The following CNTN4 variants were observed in gnomAD, a reference collection of about 807,000 sequenced individuals.
CNTN4 encodes the protein contactin-4.
Under a neutral mutation model 122.5 loss-of-function variants are expected in CNTN4, and 77 were observed. The observed-to-expected ratio is 0.63, with a 90% CI of 0.52 to 0.76. CNTN4 has a LOEUF of 0.76. Ranked by LOEUF, CNTN4 falls within the 30% of genes least tolerant of loss-of-function variation. The probability of loss-of-function intolerance (pLI) is 0.00; values close to 1 mark genes in which losing one functional copy is unlikely to be tolerated. For missense variants in CNTN4, 1,256 were observed against 1,259.1 expected (o/e 1.00, Z 0.04); for synonymous variants, 512 against 447.0 (o/e 1.15, Z -1.83).
intron 6 of CNTN4, among the ~76,000 whole-genome samples, chr3:2,760,624 TA>T (rs2090544763): frequency 6.6e-6 from 1 of 152,218 alleles, no homozygotes; most frequent in Non-Finnish European, 1.5e-5. Context: ...AGGCAGCTGT[TA>T]ATAGTACCTT....
intron 2 of CNTN4, among the ~76,000 whole-genome samples, chr3:2,122,649 A>G (rs1226293514): frequency 6.6e-6 from 1 of 152,216 alleles, no homozygotes; most frequent in Non-Finnish European, 1.5e-5. Flanking sequence ...AAAATACTGT[A>G]TTGTACATTT....
chr3:2,206,460 T>C (rs1378022111), intron 2 of CNTN4, among the ~76,000 whole-genome samples: 1 of 152,108 alleles, frequency 6.6e-6, no homozygotes, highest in Non-Finnish European at 1.5e-5. Context: ...AAATAATGAA[T>C]GTGAATACTC....
At chr3:2,643,299 G>C (rs140425044) in intron 4 of CNTN4, among the ~76,000 whole-genome samples, 1 of 152,052 alleles carries the variant, frequency 6.6e-6, no homozygotes, top group Non-Finnish European at 1.5e-5. Context: ...TCAGCCTCCA[G>C]ACTGGCTGCA....
At chr3:2,651,641 A>T (rs2083363386) in intron 4 of CNTN4, among the ~76,000 whole-genome samples, 1 of 152,096 alleles carries the variant, frequency 6.6e-6, no homozygotes, top group Non-Finnish European at 1.5e-5. Context: ...GCTTGAGCCC[A>T]GGAGTTTGAA....
chr3:2,803,167 T>C (rs944854235), intron 6 of CNTN4, among the ~76,000 whole-genome samples: 7 of 152,330 alleles, frequency 4.6e-5, no homozygotes, highest in African/African-American at 1.7e-4. Context: ...TAAATGTGAA[T>C]GGCCCATAAA....
chr3:2,428,263 C>T (rs2047922086), intron 3 of CNTN4, among the ~76,000 whole-genome samples: 1 of 152,054 alleles, frequency 6.6e-6, no homozygotes, highest in Admixed American at 6.6e-5. Flanking sequence ...GTAAGGCAGG[C>T]CTGGTGGTGA....
intron 4 of CNTN4, among the ~76,000 whole-genome samples, chr3:2,677,419 G>GAGAGAGATCTATGTATCTATACATAGAT (rs2084922986): frequency 6.7e-6 from 1 of 149,846 alleles, no homozygotes; most frequent in Non-Finnish European, 1.5e-5. Context: ...CATAGATATA[G>GAGAGAGATCTATGTATCTATACATAGAT]AGAGAGATCT....
At chr3:2,281,357 C>T (rs1482498696) in intron 2 of CNTN4, among the ~76,000 whole-genome samples, 1 of 152,058 alleles carries the variant, frequency 6.6e-6, no homozygotes, top group African/African-American at 2.4e-5. Flanking sequence ...CAGGGACTGT[C>T]TAGTAACTCC....
At chr3:2,706,275 T>C (rs1192329732) in intron 4 of CNTN4, among the ~76,000 whole-genome samples, 6 of 152,046 alleles carry the variant, frequency 3.9e-5, no homozygotes. Context: ...CCCAACACTA[T>C]GATCAGTGAA....
chr3:2,667,474 G>C (rs1430960116), intron 4 of CNTN4, among the ~76,000 whole-genome samples: 16 of 152,092 alleles, frequency 1.1e-4, no homozygotes, highest in Admixed American at 9.8e-4. Flanking sequence ...TGAGTTCCTT[G>C]TAGATTCTGG....
intron 14 of CNTN4, among the ~76,000 whole-genome samples, chr3:3,018,400 T>G (rs1240412765): frequency 3.3e-5 from 5 of 152,192 alleles, no homozygotes; most frequent in Non-Finnish European, 5.9e-5. Context: ...CTGTGGAGTA[T>G]TCATTTTAAA....
At chr3:2,799,707 A>T (rs1410696449) in intron 6 of CNTN4, among the ~76,000 whole-genome samples, 1 of 152,122 alleles carries the variant, frequency 6.6e-6, no homozygotes. Context: ...TTCAGGTCAT[A>T]ACTTTTTCAC....
At chr3:2,884,510 C>G (rs368099505) in intron 9 of CNTN4, among the ~76,000 whole-genome samples, 2 of 152,080 alleles carry the variant, frequency 1.3e-5, no homozygotes, top group South Asian at 2.1e-4. Context: ...GAACACTCTA[C>G]AGACATTAAA....
chr3:2,181,551 C>T (rs1448216298), intron 2 of CNTN4, among the ~76,000 whole-genome samples: 2 of 152,130 alleles, frequency 1.3e-5, no homozygotes, highest in East Asian at 3.9e-4. Flanking sequence ...GCTCTGAGTC[C>T]CCTGACTACT....
intron 2 of CNTN4, among the ~76,000 whole-genome samples, chr3:2,109,509 C>T (rs1214366136): frequency 6.6e-6 from 1 of 152,106 alleles, no homozygotes; most frequent in Non-Finnish European, 1.5e-5. Flanking sequence ...TAATATAAAT[C>T]TTGAGTGTCC....
rs2093338408 is a variant in CNTN4 at position 2,840,552 on chromosome 3, A to AG, written c.454+20972dup. Among the ~76,000 whole-genome samples the AG allele has an allele frequency of 7.6e-5, 2 of 26,344 alleles. 1 individual carries two copies. The highest frequency in any genetic ancestry group is 1.1e-4 in the African/African-American group (2 of 17,976). The allele number at this position is 26,344 out of a possible 152,430, so 17.3% of individuals were successfully genotyped here. ...CGTCTCTACTAAAAATACAAAAATTAGCCGGGCGCGGTGATGGGCGCCTGT... is the reference window on the plus strand; with the variant it reads ...CGTCTCTACTAAAAATACAAAAATTAGGCCGGGCGCGGTGATGGGCGCCTGT... On this transcript the variant is annotated intron_variant, in intron 7 of 24. Transcript: ENST00000418658.
rs898392429 is a variant in CNTN4 at position 2,630,401 on chromosome 3, T to C, written c.55+58843T>C. Among the ~76,000 whole-genome samples the C allele has an allele frequency of 5.4e-4, 83 of 152,310 alleles. 1 individual carries two copies. The highest frequency in any genetic ancestry group is 2.0e-3 in the African/African-American group (83 of 41,576). Reference sequence around the variant, plus strand: ...TTGCAGTGAGCCAAGATCCTGCCACTGCACTCCAGCCTGGGCGACAGATTG... The same window carrying C: ...TTGCAGTGAGCCAAGATCCTGCCACCGCACTCCAGCCTGGGCGACAGATTG... On this transcript the variant is annotated intron_variant, in intron 4 of 24. Coordinates refer to ENST00000418658, the MANE Select transcript of CNTN4 (RefSeq NM_175607.3).
intron 3 of CNTN4, among the ~76,000 whole-genome samples, chr3:2,392,837 A>G (rs1033718865): frequency 1.3e-5 from 2 of 152,134 alleles, no homozygotes; most frequent in African/African-American, 4.8e-5. Context: ...AGTACCACAA[A>G]CTGGGTGGCT....
chr3:2,273,518 T>C (rs766354663), intron 2 of CNTN4, among the ~76,000 whole-genome samples: 1 of 152,228 alleles, frequency 6.6e-6, no homozygotes, highest in Admixed American at 6.5e-5. Flanking sequence ...CTTCCATGAC[T>C]GATGAGCCAG....
Sources: allele counts gnomAD v4.1 joint callset (sites outside exome capture counted in the v4.1 genomes callset), GRCh38; gene constraint gnomAD v4.1.1; transcripts MANE v1.5; gene names NCBI Gene and HGNC (gene_info 2026-07-23, HGNC 2026-07-21).